Variants in CLSTN2 observed in about 807,000 individuals in gnomAD.
CLSTN2 encodes calsyntenin 2.
In CLSTN2, 48 loss-of-function variants were observed where a neutral mutation model predicts 101.2. That is an observed-to-expected ratio of 0.47 (90% CI 0.38 to 0.60). The LOEUF (loss-of-function observed/expected upper bound fraction) is 0.60. CLSTN2 is among the 20% of genes least tolerant of loss of function. The pLI is 0.00. For synonymous variants in CLSTN2, 481 were observed against 463.6 expected, an observed-to-expected ratio of 1.04 and a Z score of -0.48; for missense variants, 1,160 against 1,238.2, an observed-to-expected ratio of 0.94 and a Z score of 0.95.
rs536542074 is a variant in CLSTN2 at position 140,106,506 on chromosome 3, A to G, written c.110-69445A>G. 3.9e-5 allele frequency among the ~76,000 whole-genome samples: 6 copies of G among 152,222 alleles called. No individual in the cohort carries two copies. The South Asian group carries it at 8.3e-4, about 21-fold the overall frequency. On this transcript the variant is annotated intron_variant, in intron 1 of 16. Transcript: ENST00000458420. ...GGGTCTTTGTTGTTTCCAGAATCCT[A>G]TGGTCTTCTCTCTGCCCCTGTGGGT...
intron 2 of CLSTN2, among the ~76,000 whole-genome samples, chr3:140,203,994 A>G (rs2010751163): frequency 6.6e-6 from 1 of 152,226 alleles, no homozygotes; most frequent in African/African-American, 2.4e-5. Context: ...ATCCTCTTGC[A>G]GTTAATCTCC....
At chr3:140,349,509 G>C (rs2087583842) in intron 2 of CLSTN2, among the ~76,000 whole-genome samples, 1 of 152,120 alleles carries the variant, frequency 6.6e-6, no homozygotes, top group Admixed American at 6.5e-5. Flanking sequence ...GCATTTGTTT[G>C]TTCCCTTAAT....
intron 1 of CLSTN2, among the ~76,000 whole-genome samples, chr3:139,988,146 G>T (rs932059794): frequency 6.6e-6 from 1 of 152,222 alleles, no homozygotes; most frequent in African/African-American, 2.4e-5. Flanking sequence ...TGGAGCTGGT[G>T]CAGCGCTTGT....
intron 1 of CLSTN2, among the ~76,000 whole-genome samples, chr3:140,116,799 T>C (rs1011188345): frequency 6.6e-6 from 1 of 152,166 alleles, no homozygotes; most frequent in East Asian, 1.9e-4. Context: ...TTGGTATGCT[T>C]GTGCTGAGAC....
chr3:140,362,984 C>T (rs561719070), intron 2 of CLSTN2, among the ~76,000 whole-genome samples: 1 of 152,114 alleles, frequency 6.6e-6, no homozygotes, highest in Admixed American at 6.5e-5. Context: ...TCCTGGGCAT[C>T]ATCTAAGGAT....
At chr3:140,459,796 CCCT>C (rs10590825) in intron 7 of CLSTN2, 27 bp downstream of exon 7, 942,318 of 1,607,136 alleles carry the variant, frequency 0.59, 279,570 homozygotes, top group Non-Finnish European at 0.61. Flanking sequence ...GCCCTTCCAC[CCCT>C]CCTACCCCAG....
chr3:140,141,264 G>A (rs1400159267), intron 1 of CLSTN2, among the ~76,000 whole-genome samples: 1 of 152,168 alleles, frequency 6.6e-6, no homozygotes, highest in African/African-American at 2.4e-5. Flanking sequence ...CCTGCCTCAT[G>A]ACTACTGGGA....
At chr3:140,420,249 G>A (rs78499233) in intron 4 of CLSTN2, among the ~76,000 whole-genome samples, 1,584 of 149,828 alleles carry the variant, frequency 0.011, 11 homozygotes, top group Non-Finnish European at 0.017. Flanking sequence ...TCTGGTAAAC[G>A]ATGATAACAT....
chr3:140,141,401 C>T (rs1231081543), intron 1 of CLSTN2, among the ~76,000 whole-genome samples: 3 of 152,258 alleles, frequency 2.0e-5, no homozygotes, highest in East Asian at 3.9e-4. Flanking sequence ...TGGCACTACT[C>T]GGAAGAAGGC....
At chr3:140,515,623 ACCC>A (rs1453356830) in intron 8 of CLSTN2, among the ~76,000 whole-genome samples, 3 of 152,078 alleles carry the variant, frequency 2.0e-5, no homozygotes, top group African/African-American at 7.2e-5. Context: ...TTCGTTGTTT[ACCC>A]AACAAGCATT....
intron 8 of CLSTN2, among the ~76,000 whole-genome samples, chr3:140,495,409 G>C (rs192437639): frequency 1.2e-4 from 19 of 152,078 alleles, no homozygotes; most frequent in African/African-American, 4.6e-4. Flanking sequence ...CCATTCTATA[G>C]GTTGTCTGTT....
At chr3:140,458,718 T>C (rs796287279) in intron 6 of CLSTN2, among the ~76,000 whole-genome samples, 7 of 152,308 alleles carry the variant, frequency 4.6e-5, no homozygotes, top group South Asian at 4.1e-4. Context: ...AATGATAACA[T>C]GATAGCTAAC....
intron 2 of CLSTN2, among the ~76,000 whole-genome samples, chr3:140,293,703 G>A (rs558546435): frequency 2.0e-4 from 31 of 152,270 alleles, no homozygotes; most frequent in East Asian, 1.2e-3. Flanking sequence ...CATTTACTAC[G>A]TGAGAGGAAC....
At chr3:140,548,422 G>A (rs1181208107) in intron 10 of CLSTN2, among the ~76,000 whole-genome samples, 1 of 152,176 alleles carries the variant, frequency 6.6e-6, no homozygotes, top group Non-Finnish European at 1.5e-5. Context: ...GGGAACTTGC[G>A]TAAGATCCCA....
At chr3:140,051,536 G>A (rs749289917) in intron 1 of CLSTN2, among the ~76,000 whole-genome samples, 3 of 152,130 alleles carry the variant, frequency 2.0e-5, no homozygotes, top group South Asian at 2.1e-4. Context: ...CAATAGTGCC[G>A]TCTGCTGGCT....
intron 2 of CLSTN2, among the ~76,000 whole-genome samples, chr3:140,314,349 G>A (rs2087206747): frequency 6.6e-6 from 1 of 152,158 alleles, no homozygotes; most frequent in Admixed American, 6.5e-5. Context: ...TAAATGCCAA[G>A]ACCCCTGGGA....
At chr3:140,405,700 T>C (rs1283537629) in intron 4 of CLSTN2, among the ~76,000 whole-genome samples, 1 of 152,204 alleles carries the variant, frequency 6.6e-6, no homozygotes, top group Non-Finnish European at 1.5e-5. Context: ...AGAAAACTCA[T>C]TGTAGTATAA....
intron 2 of CLSTN2, among the ~76,000 whole-genome samples, chr3:140,212,702 A>G (rs1473387468): frequency 6.6e-6 from 1 of 152,134 alleles, no homozygotes; most frequent in African/African-American, 2.4e-5. Flanking sequence ...CACTAGCTCT[A>G]ACAAACTCAT....
In CLSTN2 at chr3:139,935,546, G is replaced by T; in HGVS notation, c.109+63G>T. The T allele has an allele frequency of 1.1e-6, 1 of 872,508 alleles. No homozygotes were observed. The highest frequency in any genetic ancestry group is 1.5e-6 in the Non-Finnish European group (1 of 659,716). 54.0% of individuals were successfully genotyped at this position (872,508 alleles called of 1,614,324 possible). A position where few individuals can be genotyped will look rare whatever the true frequency, so the allele number is the denominator to read the frequency against. Reference sequence around the variant, plus strand: ...AGGCAGGGCAGGCTTGAGGGTGAAAGCGGCAAGGACCTAGGCTCAAGCTGG... The same window carrying T: ...AGGCAGGGCAGGCTTGAGGGTGAAATCGGCAAGGACCTAGGCTCAAGCTGG... On this transcript the variant is annotated intron_variant, in intron 1 of 16. Transcript: ENST00000458420. This position sits in a 1 kb window ranked among gnomAD's most constrained non-coding sequence, Gnocchi z 5.5.
Sources: gnomAD v4.1 joint callset for allele counts (sites outside exome capture counted in the v4.1 genomes callset) on GRCh38, gnomAD v4.1.1 for gene constraint, Gnocchi (gnomAD v3.1) non-coding constraint, MANE v1.5 for transcripts, NCBI Gene and HGNC (gene_info 2026-07-23, HGNC 2026-07-21) for gene names.